STX7: variants seen among roughly 807,000 people sequenced by gnomAD.
STX7 encodes the protein syntaxin-7.
In STX7, 34 loss-of-function variants were observed where a neutral mutation model predicts 39.6. That is an observed-to-expected ratio of 0.86 (90% CI 0.65 to 1.14). The LOEUF is 1.14. STX7 is among the 50% of genes most tolerant of loss of function. The pLI is 0.00. For missense variants in STX7, 284 were observed against 310.4 expected (o/e 0.92, Z 0.64); for synonymous variants, 119 against 99.1 (o/e 1.20, Z -1.19).
chr6:132,507,122 G>A (rs1171358806), intron 1 of STX7, among the ~76,000 whole-genome samples: 2 of 152,120 alleles, frequency 1.3e-5, no homozygotes, highest in African/African-American at 4.8e-5. Context: ...GACAGAGAGT[G>A]GAATAAGAAG....
intron 2 of STX7, among the ~76,000 whole-genome samples, chr6:132,484,676 A>G (rs1425029364): frequency 6.6e-6 from 1 of 152,206 alleles, no homozygotes; most frequent in Non-Finnish European, 1.5e-5. Flanking sequence ...GGTTAGTAAA[A>G]TCCCTGGACA....
chr6:132,471,650 A>C, intron 4 of STX7, 50 bp from the exon 5 acceptor site: 2 of 1,597,248 alleles, frequency 1.3e-6, no homozygotes, highest in African/African-American at 1.4e-5. Flanking sequence ...GTGAAGTTCA[A>C]CTGAATTTGC....
At chr6:132,489,990 C>T (rs1030658950) in intron 2 of STX7, among the ~76,000 whole-genome samples, 10 of 152,310 alleles carry the variant, frequency 6.6e-5, no homozygotes, top group African/African-American at 2.4e-4. Context: ...TTCTAGATGG[C>T]TGGAACATTA....
chr6:132,495,798 T>G (rs1009273889), intron 2 of STX7, among the ~76,000 whole-genome samples: 3 of 152,210 alleles, frequency 2.0e-5, no homozygotes, highest in Non-Finnish European at 2.9e-5. Context: ...CATAGACTTT[T>G]AATTTCATCT....
At chr6:132,498,274 C>T (rs944988829) in intron 2 of STX7, among the ~76,000 whole-genome samples, 4 of 151,676 alleles carry the variant, frequency 2.6e-5, no homozygotes, top group Admixed American at 2.6e-4. Context: ...TAAGCATTTA[C>T]AATATTTAAA....
chr6:132,464,033 T>G lies in STX7; in HGVS notation c.653A>C (p.Gln218Pro). The G allele has an allele frequency of 6.2e-7, 1 of 1,614,138 alleles. No homozygotes were observed. Among genetic ancestry groups the G allele is most frequent in the Non-Finnish European group, 8.5e-7 (1 of 1,180,008 alleles). Residue 218 changes from glutamine to proline, a missense_variant, in exon 9 of 10, where the codon CAG becomes CCG. Coordinates refer to ENST00000367941, the MANE Select transcript of STX7 (RefSeq NM_003569.3). ...ANVENAEVHV[Q>P]QANQQLSRAA... ...CCTTGACAGCTGCTGATTTGCTTGC[T>G]GAACGTGCACCTCTGCATTTTCCAC...
intron 1 of STX7, among the ~76,000 whole-genome samples, chr6:132,504,479 C>T (rs1775649947): frequency 6.6e-6 from 1 of 152,202 alleles, no homozygotes; most frequent in African/African-American, 2.4e-5. Flanking sequence ...AATGTCCCTG[C>T]ATACAGAACT....
chr6:132,474,593 G>A (rs1582656366), intron 3 of STX7, among the ~76,000 whole-genome samples: 1 of 151,872 alleles, frequency 6.6e-6, no homozygotes. Flanking sequence ...ATTTACAGCT[G>A]TAACAGTACT....
chr6:132,467,382 C>G (rs181222268), intron 8 of STX7, among the ~76,000 whole-genome samples: 1 of 152,250 alleles, frequency 6.6e-6, no homozygotes, highest in East Asian at 1.9e-4. Context: ...CCTAACTACC[C>G]TGTGTCAAGC....
At chr6:132,496,586 T>C (rs1380037673) in intron 2 of STX7, among the ~76,000 whole-genome samples, 1 of 152,190 alleles carries the variant, frequency 6.6e-6, no homozygotes, top group African/African-American at 2.4e-5. Flanking sequence ...AATCAGCCTC[T>C]TAACAAAACA....
intron 2 of STX7, among the ~76,000 whole-genome samples, chr6:132,483,876 A>G (rs150242930): frequency 6.6e-6 from 1 of 152,222 alleles, no homozygotes; most frequent in African/African-American, 2.4e-5. Flanking sequence ...TAATCCTCCT[A>G]CTTTCTCCCA....
In STX7 at chr6:132,460,235, A is replaced by C. The variant is rs1473263255; in HGVS notation, c.*523T>G. 1 of 152,236 alleles carries C rather than the reference A, an allele frequency of 6.6e-6. No individual in the cohort carries two copies. The highest frequency in any genetic ancestry group is 1.5e-5 in the Non-Finnish European group (1 of 68,040). The allele number at this position is 152,236 out of a possible 1,614,324, so 9.4% of individuals were successfully genotyped here. A position where few individuals can be genotyped will look rare whatever the true frequency, so the allele number is the denominator to read the frequency against. On this transcript the variant is annotated 3_prime_UTR_variant, in exon 10 of 10. Transcript: ENST00000367941. ...GTAAAAAAGATCTTAAAAGAAAACC[A>C]ACAAAAAAATGAAAGACACTTTGTG...
chr6:132,496,945 T>C (rs1002178933), intron 2 of STX7, among the ~76,000 whole-genome samples: 4 of 152,156 alleles, frequency 2.6e-5, no homozygotes, highest in Admixed American at 1.3e-4. Flanking sequence ...GCTGTAAACA[T>C]CAAATGTTGA....
At chr6:132,502,275 A>G (rs933953215) in intron 2 of STX7, among the ~76,000 whole-genome samples, 1 of 152,174 alleles carries the variant, frequency 6.6e-6, no homozygotes, top group Non-Finnish European at 1.5e-5. Flanking sequence ...TGAAAACACT[A>G]TTTCTGCAAT....
Position 132,459,395 on chromosome 6 carries a change from AT to A in STX7, c.*1362del, listed in dbSNP as rs1774329665. ...AACTGGTGCTCCAGAAAGATGCTGA[AT>A]GGCCACAGTGCATGTGGTGATGTCT... On this transcript the variant is annotated 3_prime_UTR_variant, in exon 10 of 10. Transcript: ENST00000367941. 1.3e-5 allele frequency: 2 copies of A among 152,256 alleles called. No homozygotes were observed. Among genetic ancestry groups the A allele is most frequent in the South Asian group, 4.1e-4 (2 of 4,828 alleles). The allele number at this position is 152,256 out of a possible 1,614,324, so 9.4% of individuals were successfully genotyped here. A position where few individuals can be genotyped will look rare whatever the true frequency, so the allele number is the denominator to read the frequency against.
At chr6:132,509,067 C>T (rs954729435) in intron 1 of STX7, among the ~76,000 whole-genome samples, 1 of 152,048 alleles carries the variant, frequency 6.6e-6, no homozygotes, top group African/African-American at 2.4e-5. Context: ...AGCAAAGGAG[C>T]AAATATTTGA....
rs1774019370 is a variant in STX7 at position 132,446,583 on chromosome 6, C to T, written c.*14175G>A. On this transcript the variant is annotated 3_prime_UTR_variant, in exon 10 of 10. Coordinates refer to ENST00000367941, the MANE Select transcript of STX7 (RefSeq NM_003569.3). ...GATTTTGCTTTTTCTCAGGGCCCAG[C>T]ATTTATTAAGCACTCAGCAAATGCT... 6.6e-6 allele frequency: 1 copy of T among 152,158 alleles called. No individual in the cohort carries two copies. Among genetic ancestry groups the T allele is most frequent in the African/African-American group, 2.4e-5 (1 of 41,442 alleles). 9.4% of individuals were successfully genotyped at this position (152,158 alleles called of 1,614,324 possible).
rs1554253213 is a variant in STX7, at chr6:132,509,452, A to AATCAC, written c.-59+3554_-59+3555insGTGAT. Among the ~76,000 whole-genome samples the AATCAC allele has an allele frequency of 4.0e-3, 40 of 9,962 alleles. 2 individuals carry two copies. Among genetic ancestry groups the AATCAC allele is most frequent in the African/African-American group, 0.014 (37 of 2,594 alleles). The allele number at this position is 9,962 out of a possible 152,430, so 6.5% of individuals were successfully genotyped here. On this transcript the variant is annotated intron_variant, in intron 1 of 9. Transcript: ENST00000367941. The stretch of plus-strand genomic sequence containing the variant: ...GGCGACAGAGCGAGACTCGTCTCAA[A>AATCAC]ATAACATAACATAACATAACATAAC...
chr6:132,468,173 T>G (rs187284826), intron 8 of STX7, among the ~76,000 whole-genome samples: 1 of 152,326 alleles, frequency 6.6e-6, no homozygotes, highest in East Asian at 1.9e-4. Context: ...TGATTAAATT[T>G]GGGCTTCTGA....
Sources: gnomAD v4.1 joint callset for allele counts (sites outside exome capture counted in the v4.1 genomes callset) on GRCh38, gnomAD v4.1.1 for gene constraint, MANE v1.5 for transcripts, NCBI Gene and HGNC (gene_info 2026-07-23, HGNC 2026-07-21) for gene names.